Variants in STAG1 observed in about 807,000 individuals in gnomAD.
STAG1 encodes cohesin subunit SA-1.
In STAG1, 26 loss-of-function variants were observed where a neutral mutation model predicts 170.9. That is an observed-to-expected ratio of 0.15 (90% confidence interval 0.11 to 0.21). STAG1 has a LOEUF of 0.21. Among genes scored for constraint, STAG1 ranks in the 10% least tolerant of loss-of-function variants. The pLI is 1.00. For missense variants in STAG1, 964 were observed against 1,509.5 expected, an observed-to-expected ratio of 0.64 and a Z score of 5.99; for synonymous variants, 514 against 497.7, an observed-to-expected ratio of 1.03 and a Z score of -0.44.
At chr3:136,362,082 A>C (rs1172039861) in intron 26 of STAG1, among the ~76,000 whole-genome samples, 3 of 151,662 alleles carry the variant, frequency 2.0e-5, no homozygotes, top group Non-Finnish European at 4.4e-5. Flanking sequence ...CAGCCTCCTG[A>C]GAGTAGCTGA....
chr3:136,366,901 G>A, intron 25 of STAG1, 42 bp downstream of exon 25: 1 of 1,500,188 alleles, frequency 6.7e-7, no homozygotes. Context: ...TAATTTCTCT[G>A]CCAGTTAGAG....
At chr3:136,604,667 T>C (rs576886205) in intron 3 of STAG1, among the ~76,000 whole-genome samples, 194 bp from the exon 4 acceptor site, 35 of 152,308 alleles carry the variant, frequency 2.3e-4, no homozygotes, top group African/African-American at 8.2e-4. Flanking sequence ...CTTTTGTTTT[T>C]TGAGACAGAG....
chr3:136,711,013 C>T (rs1263381089), intron 1 of STAG1, among the ~76,000 whole-genome samples: 1 of 151,482 alleles, frequency 6.6e-6, no homozygotes, highest in African/African-American at 2.4e-5. Context: ...CTATAAAACT[C>T]CTGGTTAAAG....
intron 6 of STAG1, 57 bp from the exon 7 acceptor site, chr3:136,521,474 CTTTT>C (rs879165752): frequency 1.4e-6 from 2 of 1,472,628 alleles, no homozygotes; most frequent in Non-Finnish European, 1.9e-6. Context: ...TTGATGAAAG[CTTTT>C]TTTTTCTTCC....
intron 9 of STAG1, among the ~76,000 whole-genome samples, chr3:136,491,558 A>G (rs527549181): frequency 1.3e-5 from 2 of 152,356 alleles, no homozygotes; most frequent in African/African-American, 2.4e-5. Flanking sequence ...TTTGTGGAAG[A>G]AACTGATCAT....
chr3:136,485,315 G>A (rs927007553), intron 9 of STAG1, among the ~76,000 whole-genome samples: 18 of 151,994 alleles, frequency 1.2e-4, no homozygotes, highest in African/African-American at 4.4e-4. Context: ...AAATTAGCTG[G>A]GCGTGGTGGT....
intron 4 of STAG1, among the ~76,000 whole-genome samples, chr3:136,602,241 T>C (rs564706024): frequency 3.0e-4 from 46 of 151,956 alleles, no homozygotes; most frequent in African/African-American, 1.0e-3. Flanking sequence ...TAGCTGGGCA[T>C]GGTGGTGTGT....
rs150737042 is a variant in STAG1 at position 136,684,536 on chromosome 3, G to C, written c.-83-53555C>G. 5.9e-3 allele frequency among the ~76,000 whole-genome samples: 899 copies of C among 152,224 alleles called. 10 individuals are homozygous for C. The highest frequency in any genetic ancestry group is 0.02 in the African/African-American group (836 of 41,530). ...AGGCTGAGGCAGGTGGATCACTTGA[G>C]GTCCAAAGTTCGAGACCAGCCTGGT... On this transcript the variant is annotated intron_variant, in intron 1 of 33. Coordinates refer to ENST00000383202, the MANE Select transcript of STAG1 (RefSeq NM_005862.3).
At chr3:136,684,299 T>C (rs1229973298) in intron 1 of STAG1, among the ~76,000 whole-genome samples, 1 of 152,130 alleles carries the variant, frequency 6.6e-6, no homozygotes, top group Non-Finnish European at 1.5e-5. Context: ...TCTACAGTAA[T>C]CAAAACGATG....
At chr3:136,634,045 G>A (rs1313831243) in intron 1 of STAG1, among the ~76,000 whole-genome samples, 2 of 147,928 alleles carry the variant, frequency 1.4e-5, no homozygotes. Context: ...GGAGGCTGAG[G>A]CAGGAGAATC....
chr3:136,740,166 G>A (rs570021509), intron 1 of STAG1, among the ~76,000 whole-genome samples: 1 of 152,162 alleles, frequency 6.6e-6, no homozygotes, highest in African/African-American at 2.4e-5. Flanking sequence ...CACAAGAATC[G>A]CTTGAGGCGG....
intron 31 of STAG1, among the ~76,000 whole-genome samples, chr3:136,341,073 T>G (rs1935949351): frequency 6.6e-6 from 1 of 152,160 alleles, no homozygotes; most frequent in African/African-American, 2.4e-5. Flanking sequence ...CATGCCCGGC[T>G]AATTTTTTGT....
chr3:136,553,618 C>G (rs1257348107), intron 5 of STAG1, among the ~76,000 whole-genome samples: 1 of 151,930 alleles, frequency 6.6e-6, no homozygotes, highest in Non-Finnish European at 1.5e-5. Context: ...TACTAAAATA[C>G]AAAAAATTAG....
intron 1 of STAG1, among the ~76,000 whole-genome samples, chr3:136,734,954 G>T (rs1320967647): frequency 1.3e-5 from 2 of 152,104 alleles, no homozygotes. Flanking sequence ...TAAACACAGT[G>T]AACTCGTCCT....
chr3:136,711,060 A>AAAAT (rs749588746), intron 1 of STAG1, among the ~76,000 whole-genome samples: 16 of 148,506 alleles, frequency 1.1e-4, no homozygotes, highest in Admixed American at 9.5e-4. Flanking sequence ...CAAAAAGAAA[A>AAAAT]ATATATATAT....
chr3:136,574,343 T>TACAC (rs144809759), intron 4 of STAG1, among the ~76,000 whole-genome samples: 120 of 148,960 alleles, frequency 8.1e-4, no homozygotes, highest in South Asian at 5.1e-3. Context: ...TGTGTGTGTA[T>TACAC]ACACACACAC....
At chr3:136,723,945 C>T (rs1428617285) in intron 1 of STAG1, among the ~76,000 whole-genome samples, 3 of 150,310 alleles carry the variant, frequency 2.0e-5, no homozygotes, top group Admixed American at 6.6e-5. Flanking sequence ...GGTCAGCCCC[C>T]CGCCAGGCCA....
intron 1 of STAG1, among the ~76,000 whole-genome samples, chr3:136,644,933 T>C (rs763975197): frequency 2.0e-5 from 3 of 152,030 alleles, no homozygotes; most frequent in Non-Finnish European, 4.4e-5. Context: ...TTTCGCCATA[T>C]TGCCCAGGCT....
At position 136,422,839 on chromosome 3, in the gene STAG1, T is replaced by C. The variant is rs1004019057; in HGVS notation, c.1762A>G (p.Lys588Glu). 1 of 1,609,786 alleles carries C rather than the reference T, an allele frequency of 6.2e-7. No homozygotes were observed. The highest frequency in any genetic ancestry group is 1.3e-5 in the African/African-American group (1 of 74,750). Reference sequence around the variant, plus strand: ...GGGATTTGTAGCAAGTTTGCTACCTTCTCTGCATCTGCAGAATACTAGAAG... The same window carrying C: ...GGGATTTGTAGCAAGTTTGCTACCTCCTCTGCATCTGCAGAATACTAGAAG... ...LLSKYSADAE[K>E]VANLLQIPQY... is the part of the protein sequence containing the mutation. The change falls in exon 18 of 34, where the codon AAG (lysine) becomes GAG (glutamate). Residue 588 changes from lysine to glutamate, a missense_variant. Physicochemically the swap from Lys to Glu is moderately conservative, Grantham distance 56. Around this residue, in one of 11 missense-constraint regions of STAG1, gnomAD observed 232 missense variants for 313.0 expected, o/e 0.74. Transcript: ENST00000383202.
Sources: allele counts gnomAD v4.1 joint callset (sites outside exome capture counted in the v4.1 genomes callset), GRCh38; gene constraint gnomAD v4.1.1; regional missense constraint gnomAD v4.1.1; transcripts MANE v1.5; gene names NCBI Gene and HGNC (gene_info 2026-07-23, HGNC 2026-07-21).